EPM2A: variants seen among roughly 807,000 people sequenced by gnomAD.
The protein encoded by EPM2A is laforin.
EPM2A carries 21 observed loss-of-function variants against 26.5 expected under a neutral mutation model. The observed-to-expected ratio is 0.79, with a 90% CI of 0.56 to 1.14. EPM2A has a LOEUF of 1.14. Among genes scored for constraint, EPM2A ranks in the 50% most tolerant of loss-of-function variants. The probability of loss-of-function intolerance (pLI) is 0.00; values close to 1 mark genes in which losing one functional copy is unlikely to be tolerated. For missense variants in EPM2A, 458 were observed against 440.8 expected (o/e 1.04, Z -0.35); for synonymous variants, 217 against 177.6 (o/e 1.22, Z -1.76).
At chr6:145,550,925 C>A (rs1423620814) in intron 2 of EPM2A, among the ~76,000 whole-genome samples, 1 of 151,846 alleles carries the variant, frequency 6.6e-6, no homozygotes, top group African/African-American at 2.4e-5. Flanking sequence ...TTAGTAGTTT[C>A]GTTTGGGGAA....
intron 2 of EPM2A, among the ~76,000 whole-genome samples, chr6:145,601,957 A>G (rs1181107381): frequency 1.3e-5 from 2 of 152,224 alleles, no homozygotes; most frequent in Non-Finnish European, 2.9e-5. Flanking sequence ...ACAATTAATT[A>G]TAAATTTGAA....
At chr6:145,733,900 T>C (rs1179695985) in intron 1 of EPM2A, among the ~76,000 whole-genome samples, 5 of 152,212 alleles carry the variant, frequency 3.3e-5, no homozygotes, top group Non-Finnish European at 5.9e-5. Flanking sequence ...ATTCATTTCA[T>C]TGACTTCAAC....
At chr6:145,393,832 T>A (rs995241175) in intron 4 of EPM2A, among the ~76,000 whole-genome samples, 3 of 118,456 alleles carry the variant, frequency 2.5e-5, no homozygotes, top group Non-Finnish European at 5.5e-5. Context: ...TTTTTTTCTT[T>A]TTTTTTTTTG....
chr6:145,685,651 C>A (rs778444588), intron 2 of EPM2A, among the ~76,000 whole-genome samples: 1 of 152,050 alleles, frequency 6.6e-6, no homozygotes, highest in Admixed American at 6.5e-5. Context: ...ATTAAATGAA[C>A]AAATAAATCA....
intron 4 of EPM2A, among the ~76,000 whole-genome samples, chr6:145,471,510 G>A (rs774739852): frequency 3.3e-5 from 5 of 152,048 alleles, no homozygotes; most frequent in Non-Finnish European, 5.9e-5. Flanking sequence ...AGGCACTGAC[G>A]AGATAAAAAA....
At chr6:145,447,869 T>A (rs925260018) in intron 4 of EPM2A, among the ~76,000 whole-genome samples, 3 of 152,128 alleles carry the variant, frequency 2.0e-5, no homozygotes, top group Non-Finnish European at 4.4e-5. Context: ...GATATAAACA[T>A]AACAAATAAA....
At chr6:145,615,220 T>G (rs1246793833) in intron 2 of EPM2A, among the ~76,000 whole-genome samples, 7 of 152,148 alleles carry the variant, frequency 4.6e-5, no homozygotes. Context: ...TGGGGGCAGA[T>G]CTTTCCTGTG....
chr6:145,481,395 C>T (rs563791723), intron 4 of EPM2A, among the ~76,000 whole-genome samples: 7 of 152,150 alleles, frequency 4.6e-5, no homozygotes, highest in African/African-American at 4.8e-5. Flanking sequence ...CCAAAATGAT[C>T]GGTTTCTAAA....
downstream of EPM2A, among the ~76,000 whole-genome samples, chr6:145,623,815 A>G (rs1775687632): frequency 6.6e-6 from 1 of 152,200 alleles, no homozygotes; most frequent in African/African-American, 2.4e-5. Flanking sequence ...AGGGTTGTTC[A>G]GTAAAGGAGG....
intron 4 of EPM2A, among the ~76,000 whole-genome samples, chr6:145,385,750 TC>T (rs1778251770): frequency 6.6e-6 from 1 of 152,272 alleles, no homozygotes; most frequent in African/African-American, 2.4e-5. Context: ...CATTTCACAC[TC>T]TTTACAAATG....
At position 145,716,451 on chromosome 6, in the gene EPM2A, G is replaced by C. The variant is rs145242799; in HGVS notation, c.301+18747C>G. Among the ~76,000 whole-genome samples, 1,204 of 152,246 alleles carry C rather than the reference G, an allele frequency of 7.9e-3. 13 individuals carry two copies. Among genetic ancestry groups the C allele is most frequent in the African/African-American group, 0.027 (1,129 of 41,544 alleles). On this transcript the variant is annotated intron_variant, in intron 1 of 3. Transcript: ENST00000367519. Reference sequence around the variant, plus strand: ...TGTGGCCTAGAAAATTTACTAGAAAGTTGTCTGATGTTTTATGTTTGACAG... The same window carrying C: ...TGTGGCCTAGAAAATTTACTAGAAACTTGTCTGATGTTTTATGTTTGACAG...
intron 1 of EPM2A, among the ~76,000 whole-genome samples, chr6:145,693,301 G>A (rs1781387367): frequency 6.6e-6 from 1 of 151,932 alleles, no homozygotes; most frequent in Admixed American, 6.6e-5. Context: ...ATCAGAACAA[G>A]GAGCTTTTGG....
chr6:145,644,418 C>T (rs1777308296), intron 2 of EPM2A, among the ~76,000 whole-genome samples: 1 of 152,038 alleles, frequency 6.6e-6, no homozygotes, highest in Non-Finnish European at 1.5e-5. Context: ...TGATAGAAGC[C>T]TAAAATTGTG....
intron 4 of EPM2A, among the ~76,000 whole-genome samples, chr6:145,402,377 T>C (rs1778502159): frequency 6.6e-6 from 1 of 152,058 alleles, no homozygotes; most frequent in Non-Finnish European, 1.5e-5. Flanking sequence ...AGGTGTGAAA[T>C]GTCCTGAAAA....
At chr6:145,550,349 C>T (rs959996435) in intron 2 of EPM2A, among the ~76,000 whole-genome samples, 2 of 151,992 alleles carry the variant, frequency 1.3e-5, no homozygotes, top group African/African-American at 2.4e-5. Context: ...TATCCTTCCT[C>T]CCCTCTCTCC....
At chr6:145,572,646 C>T (rs890975757) in intron 2 of EPM2A, among the ~76,000 whole-genome samples, 1 of 152,154 alleles carries the variant, frequency 6.6e-6, no homozygotes, top group African/African-American at 2.4e-5. Context: ...GGGCTTTGTA[C>T]CAAAATCCTA....
intron 2 of EPM2A, among the ~76,000 whole-genome samples, chr6:145,536,350 T>C (rs910975050): frequency 1.3e-5 from 2 of 151,956 alleles, no homozygotes; most frequent in African/African-American, 4.8e-5. Context: ...GGCTGGAGTA[T>C]AGGTGTGCAA....
intron 2 of EPM2A, among the ~76,000 whole-genome samples, chr6:145,680,353 C>A (rs1049348685): frequency 1.4e-5 from 2 of 144,070 alleles, no homozygotes; most frequent in Admixed American, 7.1e-5. Flanking sequence ...TTTTTTTCTG[C>A]GTAAGTTTCA....
rs1286855280 is a variant in EPM2A at position 145,735,182 on chromosome 6, C to T, written c.301+16G>A. The T allele has an allele frequency of 6.7e-6, 10 of 1,484,718 alleles. No individual in the cohort carries two copies. Among genetic ancestry groups the T allele is most frequent in the African/African-American group, 2.9e-5 (2 of 68,244 alleles). The allele number at this position is 1,484,718 out of a possible 1,614,324, so 92.0% of individuals were successfully genotyped here. On this transcript the variant is annotated intron_variant, in intron 1 of 3. Coordinates refer to ENST00000367519, the MANE Select transcript of EPM2A (RefSeq NM_005670.4). ...GCTCCCGCTCTGCGCCGGGGGCAGG[C>T]GTCTGCTGGCAATACCTTCCCAGGA...
Sources: allele counts gnomAD v4.1 joint callset (sites outside exome capture counted in the v4.1 genomes callset), GRCh38; gene constraint gnomAD v4.1.1; transcripts MANE v1.5; gene names NCBI Gene and HGNC (gene_info 2026-07-23, HGNC 2026-07-21).